DGKB: variants seen among roughly 807,000 people sequenced by gnomAD.
DGKB encodes the protein diacylglycerol kinase beta.
DGKB carries 67 observed loss-of-function variants against 114.3 expected under a neutral mutation model. The ratio of observed to expected loss-of-function variants is 0.59; its 90% CI spans 0.48 to 0.72. The LOEUF (loss-of-function observed/expected upper bound fraction) is 0.72, where lower values mean the gene tolerates loss of function less well. Ranked by LOEUF, DGKB falls within the 30% of genes least tolerant of loss-of-function variation. The pLI, the probability that DGKB is intolerant of heterozygous loss-of-function variation, is 0.00. For missense variants in DGKB, 907 were observed against 975.2 expected, an observed-to-expected ratio of 0.93 and a Z score of 0.93; for synonymous variants, 398 against 323.1, an observed-to-expected ratio of 1.23 and a Z score of -2.49.
chr7:14,892,016 A>G (rs1781315574), intron 1 of DGKB, among the ~76,000 whole-genome samples: 1 of 151,438 alleles, frequency 6.6e-6, no homozygotes, highest in African/African-American at 2.4e-5. Flanking sequence ...AGGAAGGAAA[A>G]GAGTAATACA....
At chr7:14,892,285 G>T (rs918510537) in intron 1 of DGKB, among the ~76,000 whole-genome samples, 1 of 151,182 alleles carries the variant, frequency 6.6e-6, no homozygotes, top group African/African-American at 2.4e-5. Flanking sequence ...TAGAATGTCA[G>T]CGAAGGTAAG....
intron 23 of DGKB, among the ~76,000 whole-genome samples, chr7:14,232,415 T>C (rs1792046122): frequency 6.6e-6 from 1 of 150,748 alleles, no homozygotes; most frequent in African/African-American, 2.4e-5. Flanking sequence ...GGGTTAAAGG[T>C]TGGCTTATTA....
At chr7:14,804,782 T>C (rs914948741) in intron 2 of DGKB, among the ~76,000 whole-genome samples, 3 of 152,130 alleles carry the variant, frequency 2.0e-5, no homozygotes, top group African/African-American at 7.2e-5. Flanking sequence ...GTTTCCAATA[T>C]AGGCATTTTT....
At chr7:14,229,510 C>G (rs1238583357) in intron 23 of DGKB, among the ~76,000 whole-genome samples, 1 of 151,884 alleles carries the variant, frequency 6.6e-6, no homozygotes, top group Non-Finnish European at 1.5e-5. Flanking sequence ...TTGTCATTGA[C>G]TGAAATGTCA....
At chr7:14,243,049 G>A (rs1051520714) in intron 23 of DGKB, among the ~76,000 whole-genome samples, 3 of 151,622 alleles carry the variant, frequency 2.0e-5, no homozygotes, top group African/African-American at 7.3e-5. Flanking sequence ...AAGAAAGCAA[G>A]TTCAGACATT....
At chr7:14,177,744 A>G (rs958051070) in intron 24 of DGKB, among the ~76,000 whole-genome samples, 4 of 152,124 alleles carry the variant, frequency 2.6e-5, no homozygotes, top group African/African-American at 9.7e-5. Flanking sequence ...GTGCTTCAGT[A>G]GACTAATATG....
chr7:14,214,911 T>C (rs1428495502), intron 23 of DGKB, among the ~76,000 whole-genome samples: 2 of 152,152 alleles, frequency 1.3e-5, no homozygotes, highest in East Asian at 1.9e-4. Flanking sequence ...CACAGTACTG[T>C]CCTGACTTCC....
chr7:14,520,276 A>T (rs1789552982), intron 20 of DGKB, among the ~76,000 whole-genome samples: 1 of 148,004 alleles, frequency 6.8e-6, no homozygotes, highest in Admixed American at 6.8e-5. Flanking sequence ...CTTATAAAAA[A>T]ACTAGTCTTT....
At chr7:14,832,419 T>C (rs969292389) in intron 2 of DGKB, among the ~76,000 whole-genome samples, 3 of 152,086 alleles carry the variant, frequency 2.0e-5, no homozygotes, top group African/African-American at 7.2e-5. Context: ...ACTTTAGTTA[T>C]AATCCTTCCA....
intron 23 of DGKB, among the ~76,000 whole-genome samples, chr7:14,254,378 C>A (rs1444171521): frequency 6.6e-6 from 1 of 152,144 alleles, no homozygotes; most frequent in African/African-American, 2.4e-5. Flanking sequence ...TTTCTCTGAT[C>A]TTGATATCAC....
At chr7:14,851,600 G>A (rs188684389) in intron 1 of DGKB, among the ~76,000 whole-genome samples, 2 of 152,150 alleles carry the variant, frequency 1.3e-5, no homozygotes, top group Admixed American at 1.3e-4. Flanking sequence ...TCAGCAGGTG[G>A]TGTCTATGGC....
intron 1 of DGKB, among the ~76,000 whole-genome samples, chr7:14,857,102 C>T (rs747167056): frequency 6.6e-6 from 1 of 151,818 alleles, no homozygotes. Context: ...TTAAGTTCAT[C>T]GAAAGAAGCT....
intron 23 of DGKB, among the ~76,000 whole-genome samples, chr7:14,274,106 G>A (rs546384956): frequency 8.5e-5 from 13 of 152,258 alleles, no homozygotes; most frequent in Admixed American, 2.6e-4. Flanking sequence ...ACTGCAAGAC[G>A]GTTCCAGGAT....
chr7:14,666,283 AATGCAGGCTG>A (rs1296374903), intron 13 of DGKB, among the ~76,000 whole-genome samples: 1 of 151,974 alleles, frequency 6.6e-6, no homozygotes, highest in Non-Finnish European at 1.5e-5. Flanking sequence ...ACTCCCTTTC[AATGCAGGCTG>A]ATGACATAAT....
Position 14,694,106 on chromosome 7 carries a change from A to G in DGKB, c.680T>C (p.Ile227Thr). 3.8e-6 allele frequency: 6 copies of G among 1,592,444 alleles called. No homozygotes were observed. The highest frequency in any genetic ancestry group is 1.3e-5 in the African/African-American group (1 of 74,866). The change falls in exon 9 of 26, where the codon ATT becomes ACT. Residue 227 changes from isoleucine (I) to threonine (T), a missense_variant. Around this residue, in one of 3 missense-constraint regions of DGKB, gnomAD observed 814 missense variants for 856.6 expected, o/e 0.95. Transcript: ENST00000402815. ...TAAGCCCAGGAGCACAAGAAGTGGA[A>G]TCGTTGTCATTCCTCCTTGAATCCA... Reference protein sequence around the residue: ...EEWIQGGMTTIPLLVLLGLEN... With the variant: ...EEWIQGGMTTTPLLVLLGLEN...
intron 1 of DGKB, among the ~76,000 whole-genome samples, chr7:14,917,013 A>C (rs543512466): frequency 6.6e-6 from 1 of 152,128 alleles, no homozygotes; most frequent in African/African-American, 2.4e-5. Context: ...TTTAGAAATT[A>C]AACAGCATTT....
chr7:14,685,177 G>T, intron 10 of DGKB, 68 bp downstream of exon 10: 1 of 1,002,756 alleles, frequency 1.0e-6, no homozygotes. Context: ...TTACAAATAA[G>T]ACTATTCCAT....
At chr7:14,720,576 C>T (rs1829006393) in intron 5 of DGKB, among the ~76,000 whole-genome samples, 1 of 151,650 alleles carries the variant, frequency 6.6e-6, no homozygotes, top group Non-Finnish European at 1.5e-5. Flanking sequence ...AATTCCTGAC[C>T]TCATGATCCA....
intron 21 of DGKB, among the ~76,000 whole-genome samples, chr7:14,404,259 T>A (rs1823589177): frequency 6.6e-6 from 1 of 151,558 alleles, no homozygotes; most frequent in South Asian, 2.1e-4. Context: ...GATATCCCCA[T>A]TTAACCTCCT....
Sources: allele counts gnomAD v4.1 joint callset (sites outside exome capture counted in the v4.1 genomes callset), GRCh38; gene constraint gnomAD v4.1.1; regional missense constraint gnomAD v4.1.1; transcripts MANE v1.5; gene names NCBI Gene and HGNC (gene_info 2026-07-23, HGNC 2026-07-21).